The following EAPP variants were observed in gnomAD, a reference collection of about 807,000 sequenced individuals.
EAPP encodes the protein E2F associated phosphoprotein, also known as E2F-associated phosphoprotein.
EAPP carries 38 observed loss-of-function variants against 34.3 expected under a neutral mutation model. The ratio of observed to expected loss-of-function variants is 1.11; its 90% CI spans 0.85 to 1.45. The LOEUF (loss-of-function observed/expected upper bound fraction) is 1.45, where lower values mean the gene tolerates loss of function less well. Ranked by LOEUF, EAPP falls within the 40% of genes most tolerant of loss-of-function variation. The pLI is 0.00. For synonymous variants in EAPP, 113 were observed against 117.6 expected (o/e 0.96, Z 0.25); for missense variants, 338 against 343.7 (o/e 0.98, Z 0.13).
intron 4 of EAPP, among the ~76,000 whole-genome samples, chr14:34,527,388 G>A (rs375701087): frequency 1.1e-4 from 17 of 151,992 alleles, no homozygotes; most frequent in Admixed American, 1.3e-4. Context: ...GCTTGAACCC[G>A]GGAGGCGGTG....
intron 1 of EAPP, among the ~76,000 whole-genome samples, chr14:34,537,743 C>T (rs368453374): frequency 4.8e-4 from 73 of 152,212 alleles, no homozygotes; most frequent in African/African-American, 1.5e-3. Flanking sequence ...CAGCGTAATA[C>T]CTGTAGGGTT....
intron 4 of EAPP, among the ~76,000 whole-genome samples, chr14:34,527,749 T>C (rs908719190): frequency 1.3e-5 from 2 of 152,014 alleles, no homozygotes; most frequent in Non-Finnish European, 2.9e-5. Flanking sequence ...AAGAAATATC[T>C]AAAATAAGCA....
At position 34,528,681 on chromosome 14, in the gene EAPP, A is replaced by C. The variant is rs181300331; in HGVS notation, c.470+677T>G. Among the ~76,000 whole-genome samples, 926 of 151,378 alleles carry C rather than the reference A, an allele frequency of 6.1e-3. 10 individuals carry two copies. Among genetic ancestry groups the C allele is most frequent in the African/African-American group, 0.021 (874 of 41,302 alleles). On this transcript the variant is annotated intron_variant, in intron 4 of 5. Transcript: ENST00000250454. ...GTGATCCACCTGCCTCGGCCTCCCA[A>C]AGTTGCTGGGATTACAGGTATAAGC...
At chr14:34,537,000 C>CT (rs933288090) in intron 1 of EAPP, among the ~76,000 whole-genome samples, 46 of 150,148 alleles carry the variant, frequency 3.1e-4, no homozygotes, top group Non-Finnish European at 3.4e-4. Flanking sequence ...TGTATTATTT[C>CT]TTTTTTTTTT....
intron 4 of EAPP, among the ~76,000 whole-genome samples, chr14:34,528,273 T>A (rs1880159107): frequency 6.6e-6 from 1 of 151,944 alleles, no homozygotes; most frequent in South Asian, 2.1e-4. Context: ...TGACTTCAAG[T>A]GATCCGCCCG....
At chr14:34,524,898 T>C in intron 4 of EAPP, 91 bp from the exon 5 acceptor site, 1 of 939,024 alleles carries the variant, frequency 1.1e-6, no homozygotes, top group Non-Finnish European at 1.7e-6. Flanking sequence ...ACCAGTACTA[T>C]TCAGAGAAAT....
chr14:34,533,810 G>T (rs1483226568), intron 2 of EAPP, among the ~76,000 whole-genome samples: 2 of 151,992 alleles, frequency 1.3e-5, no homozygotes, highest in East Asian at 3.9e-4. Flanking sequence ...ATATTTTCAG[G>T]TTGCCAGCAC....
intron 2 of EAPP, chr14:34,535,892 G>C: frequency 2.0e-6 from 1 of 488,140 alleles, no homozygotes; most frequent in South Asian, 2.9e-5. Flanking sequence ...ATGAGACATT[G>C]AATCTAAAGT....
At chr14:34,518,157 G>A (rs1879797480) in intron 5 of EAPP, among the ~76,000 whole-genome samples, 1 of 151,860 alleles carries the variant, frequency 6.6e-6, no homozygotes, top group Non-Finnish European at 1.5e-5. Context: ...TGGGTGAAAT[G>A]TTCTGTAAAT....
At chr14:34,516,706 G>A in intron 5 of EAPP, 120 bp from the exon 6 acceptor site, 1 of 982,748 alleles carries the variant, frequency 1.0e-6, no homozygotes, top group Non-Finnish European at 1.5e-6. Context: ...CAAGACACAG[G>A]AACAAAACAG....
rs754798532 is a variant in EAPP, at chr14:34,539,379, C to A, written c.74+176G>T. On this transcript the variant is annotated intron_variant, in intron 1 of 5. Transcript: ENST00000250454. ...CCTACAGGCGACATCGGCACCGCCT[C>A]CCCCCGGGACTGCGCGACCCCATCA... 3 of 723,582 alleles carry A rather than the reference C, an allele frequency of 4.1e-6. No homozygotes were observed. The South Asian group carries it at 4.5e-5, about 11-fold the overall frequency. 44.8% of individuals were successfully genotyped at this position (723,582 alleles called of 1,614,324 possible).
At chr14:34,533,795 T>C (rs1452931733) in intron 2 of EAPP, among the ~76,000 whole-genome samples, 1 of 152,142 alleles carries the variant, frequency 6.6e-6, no homozygotes, top group Non-Finnish European at 1.5e-5. Flanking sequence ...TTAAATAAAA[T>C]AGCGATATTT....
At chr14:34,535,125 C>T (rs1233667873) in intron 2 of EAPP, among the ~76,000 whole-genome samples, 1 of 142,440 alleles carries the variant, frequency 7.0e-6, no homozygotes, top group African/African-American at 2.5e-5. Context: ...CATGAGCCAC[C>T]ACGCCTGGCC....
intron 3 of EAPP, among the ~76,000 whole-genome samples, chr14:34,529,938 C>T (rs113066060): frequency 2.0e-5 from 3 of 152,312 alleles, no homozygotes; most frequent in Non-Finnish European, 2.9e-5. Flanking sequence ...ACTGCTTGAA[C>T]CCAGGAGGCA....
intron 1 of EAPP, 33 bp from the exon 2 acceptor site, chr14:34,536,308 T>C (rs964841410): frequency 6.7e-7 from 1 of 1,498,944 alleles, no homozygotes; most frequent in Non-Finnish European, 9.0e-7. Flanking sequence ...AGAATATGAA[T>C]ATTTAAAAAT....
At chr14:34,519,845 C>T (rs1321650980) in intron 5 of EAPP, among the ~76,000 whole-genome samples, 1 of 142,304 alleles carries the variant, frequency 7.0e-6, no homozygotes, top group African/African-American at 2.6e-5. Flanking sequence ...CATGAAATCA[C>T]AAAAAAAAAA....
intron 1 of EAPP, among the ~76,000 whole-genome samples, chr14:34,536,596 C>G (rs1880486293): frequency 6.6e-6 from 1 of 151,746 alleles, no homozygotes; most frequent in East Asian, 1.9e-4. Flanking sequence ...TCCCCAGTAG[C>G]TGGAACTACA....
chr14:34,516,634 T>C, intron 5 of EAPP, 48 bp from the exon 6 acceptor site: 3 of 1,528,180 alleles, frequency 2.0e-6, no homozygotes, highest in Non-Finnish European at 2.6e-6. Context: ...TCTATGTTAA[T>C]AGTTTATCCA....
intron 5 of EAPP, among the ~76,000 whole-genome samples, chr14:34,516,796 T>C (rs1394802264): frequency 1.3e-5 from 2 of 152,140 alleles, no homozygotes; most frequent in African/African-American, 4.8e-5. Context: ...CTTGAACTCT[T>C]AGCCTCAAGT....
Sources: gnomAD v4.1 joint callset for allele counts (sites outside exome capture counted in the v4.1 genomes callset) on GRCh38, gnomAD v4.1.1 for gene constraint, MANE v1.5 for transcripts, NCBI Gene and HGNC (gene_info 2026-07-23, HGNC 2026-07-21) for gene names.